The following SCOC variants were observed in gnomAD, a reference collection of about 807,000 sequenced individuals.
SCOC encodes the protein short coiled-coil protein, also known as short coiled coil protein.
A neutral mutation model predicts 9.9 loss-of-function variants in SCOC; 7 were observed. That is an observed-to-expected ratio of 0.71 (90% CI 0.40 to 1.33). The LOEUF (loss-of-function observed/expected upper bound fraction) is 1.33, where lower values mean the gene tolerates loss of function less well. Ranked by LOEUF, SCOC falls within the 40% of genes most tolerant of loss-of-function variation. SCOC has a pLI of 0.01. For missense variants in SCOC, 66 were observed against 89.7 expected, an observed-to-expected ratio of 0.74 and a Z score of 1.07; for synonymous variants, 19 against 28.2, an observed-to-expected ratio of 0.67 and a Z score of 1.03.
chr4:140,327,636 GT>G (rs1441474089), intron 1 of SCOC, among the ~76,000 whole-genome samples: 2 of 152,136 alleles, frequency 1.3e-5, no homozygotes, highest in African/African-American at 4.8e-5. Context: ...CAAAACAAAT[GT>G]TTTGTTTGAA....
At chr4:140,327,973 GCCA>G (rs546398224) in intron 1 of SCOC, among the ~76,000 whole-genome samples, 142 of 152,186 alleles carry the variant, frequency 9.3e-4, no homozygotes, top group Middle Eastern at 6.8e-3. Context: ...TGCCTCCAAC[GCCA>G]CACTTGAGAA....
chr4:140,266,481 A>T (rs79728736), intron 1 of SCOC, among the ~76,000 whole-genome samples: 4,397 of 152,176 alleles, frequency 0.029, 213 homozygotes, highest in African/African-American at 0.098. Flanking sequence ...CACCCCAGAG[A>T]GTGAGGTGCT....
chr4:140,280,548 G>A (rs894063705), intron 1 of SCOC, among the ~76,000 whole-genome samples: 1 of 152,162 alleles, frequency 6.6e-6, no homozygotes, highest in Non-Finnish European at 1.5e-5. Flanking sequence ...CTGAGAGCCT[G>A]CTACAGAGCA....
intron 1 of SCOC, among the ~76,000 whole-genome samples, chr4:140,337,920 A>T (rs2126503338): frequency 6.6e-6 from 1 of 152,324 alleles, no homozygotes; most frequent in South Asian, 2.1e-4. Context: ...TCAACAGAAA[A>T]AGAGGGAATC....
In SCOC at chr4:140,376,044, T is replaced by C. The variant is rs140705858; in HGVS notation, c.-51+2327T>C. The stretch of plus-strand genomic sequence containing the variant: ...CTTAAGAGCATATTTGACATGGAAT[T>C]AGATTGATGTTATAGCAACTATAGG... On this transcript the variant is annotated intron_variant, in intron 1 of 3. Transcript: ENST00000608372. Among the ~76,000 whole-genome samples the C allele has an allele frequency of 2.4e-4, 37 of 152,318 alleles. No individual in the cohort carries two copies. In the East Asian group the frequency reaches 5.2e-3, roughly 21 times the overall value.
At chr4:140,360,092 G>A (rs1170069878) in intron 2 of SCOC, among the ~76,000 whole-genome samples, 1 of 152,160 alleles carries the variant, frequency 6.6e-6, no homozygotes, top group Non-Finnish European at 1.5e-5. Flanking sequence ...CAACAGTTCT[G>A]TGATTTCGTG....
upstream of SCOC, chr4:140,369,420 C>T (rs2668577): frequency 0.94 from 275,590 of 292,006 alleles, 130,218 homozygotes; most frequent in East Asian, 0.99. Context: ...GGAACATGTT[C>T]TGCAAATTAA....
intron 1 of SCOC, among the ~76,000 whole-genome samples, chr4:140,288,476 T>C (rs553760777): frequency 5.9e-5 from 9 of 151,436 alleles, no homozygotes; most frequent in African/African-American, 2.2e-4. Context: ...TCCTATACAC[T>C]ACACACATAA....
At chr4:140,374,509 C>T (rs1011632001) in intron 1 of SCOC, among the ~76,000 whole-genome samples, 2 of 152,116 alleles carry the variant, frequency 1.3e-5, no homozygotes, top group African/African-American at 4.8e-5. Context: ...CATTTAAATC[C>T]TCATTTGGCC....
intron 1 of SCOC, among the ~76,000 whole-genome samples, chr4:140,334,797 T>A (rs1195051883): frequency 6.6e-6 from 1 of 152,090 alleles, no homozygotes; most frequent in Non-Finnish European, 1.5e-5. Context: ...TTCCATGAGT[T>A]TGACTATTTT....
intron 1 of SCOC, chr4:140,283,770 G>C (rs1190354685): frequency 6.6e-6 from 1 of 152,176 alleles, no homozygotes; most frequent in East Asian, 1.9e-4. Flanking sequence ...ACACATGCAG[G>C]ATGTAGTAAT....
At chr4:140,334,877 G>A (rs1434504268) in intron 1 of SCOC, among the ~76,000 whole-genome samples, 1 of 152,066 alleles carries the variant, frequency 6.6e-6, no homozygotes, top group African/African-American at 2.4e-5. Flanking sequence ...CGAAGTGGCT[G>A]GATTGCTTGA....
intron 2 of SCOC, among the ~76,000 whole-genome samples, chr4:140,344,132 C>G (rs1377449324): frequency 4.6e-5 from 7 of 152,134 alleles, no homozygotes; most frequent in Non-Finnish European, 1.0e-4. Flanking sequence ...CAGAAAATGT[C>G]TGATTTTTAA....
chr4:140,270,360 G>A (rs947675704), intron 1 of SCOC, among the ~76,000 whole-genome samples: 1 of 152,040 alleles, frequency 6.6e-6, no homozygotes, highest in Non-Finnish European at 1.5e-5. Context: ...TAGAGACAGG[G>A]TCTTGCTTTA....
intron 2 of SCOC, among the ~76,000 whole-genome samples, chr4:140,354,669 T>G (rs1727133167): frequency 6.6e-6 from 1 of 152,100 alleles, no homozygotes; most frequent in Non-Finnish European, 1.5e-5. Flanking sequence ...TAATTGATTA[T>G]TTTTAAAAAG....
At chr4:140,265,293 A>G (rs1310233846) in intron 1 of SCOC, among the ~76,000 whole-genome samples, 1 of 152,210 alleles carries the variant, frequency 6.6e-6, no homozygotes, top group Non-Finnish European at 1.5e-5. Context: ...ACCCAAAGAA[A>G]GGGTATTTCA....
chr4:140,373,602 C>G (rs358304), upstream of SCOC: 63,610 of 1,551,668 alleles, frequency 0.041, 1,744 homozygotes, highest in Middle Eastern at 0.11. Flanking sequence ...TGGGATTCTT[C>G]TCACGGCGCA....
intron 2 of SCOC, among the ~76,000 whole-genome samples, chr4:140,350,505 G>C (rs1295112335): frequency 6.6e-6 from 1 of 152,122 alleles, no homozygotes; most frequent in African/African-American, 2.4e-5. Flanking sequence ...CTTTTCTATT[G>C]TCTCTTCTTT....
chr4:140,279,673 A>G (rs554049356), intron 1 of SCOC, among the ~76,000 whole-genome samples: 1 of 152,340 alleles, frequency 6.6e-6, no homozygotes, highest in African/African-American at 2.4e-5. Context: ...CATCCCATGA[A>G]CTGTGCTGTT....
Sources: gnomAD v4.1 joint callset for allele counts (sites outside exome capture counted in the v4.1 genomes callset) on GRCh38, gnomAD v4.1.1 for gene constraint, MANE v1.5 for transcripts, NCBI Gene and HGNC (gene_info 2026-07-23, HGNC 2026-07-21) for gene names.